Variants in IARS1 observed in about 807,000 individuals in gnomAD.
The protein encoded by IARS1 is isoleucine--tRNA ligase, cytoplasmic.
In IARS1, 124 loss-of-function variants were observed where a neutral mutation model predicts 168.2. That is an observed-to-expected ratio of 0.74 (90% CI 0.64 to 0.86). The LOEUF is 0.86. IARS1 is among the 40% of genes least tolerant of loss of function. The pLI, the probability that IARS1 is intolerant of heterozygous loss-of-function variation, is 0.00. For missense variants in IARS1, 1,452 were observed against 1,515.8 expected, an observed-to-expected ratio of 0.96 and a Z score of 0.70; for synonymous variants, 532 against 529.4, an observed-to-expected ratio of 1.00 and a Z score of -0.07.
intron 1 of IARS1, among the ~76,000 whole-genome samples, chr9:92,290,598 C>T (rs1836166054): frequency 6.6e-6 from 1 of 152,092 alleles, no homozygotes; most frequent in Non-Finnish European, 1.5e-5. Context: ...TTGGTGTCAT[C>T]AATAAACCAT....
chr9:92,232,932 AT>A (rs1826944369), intron 30 of IARS1, among the ~76,000 whole-genome samples: 1 of 152,222 alleles, frequency 6.6e-6, no homozygotes, highest in South Asian at 2.1e-4. Context: ...CTGCAATCCT[AT>A]TAATCAAGTG....
chr9:92,287,961 C>G (rs1564190252), intron 3 of IARS1, 51 bp from the exon 4 acceptor site: 1 of 1,599,930 alleles, frequency 6.3e-7, no homozygotes, highest in East Asian at 2.2e-5. Context: ...AAAACAACTG[C>G]AACTATGCAA....
chr9:92,270,792 T>C (rs1488894865), intron 12 of IARS1, among the ~76,000 whole-genome samples, 193 bp downstream of exon 12: 1 of 151,772 alleles, frequency 6.6e-6, no homozygotes, highest in Non-Finnish European at 1.5e-5. Flanking sequence ...TGAGACCCTA[T>C]CTCAAAACAA....
chr9:92,221,222 A>G (rs1409632329), intron 33 of IARS1, among the ~76,000 whole-genome samples: 1 of 152,206 alleles, frequency 6.6e-6, no homozygotes, highest in African/African-American at 2.4e-5. Context: ...GAGGTAGGAT[A>G]GAGTGAGAAA....
chr9:92,216,965 T>C (rs1395251228), intron 33 of IARS1, among the ~76,000 whole-genome samples: 1 of 151,254 alleles, frequency 6.6e-6, no homozygotes, highest in Non-Finnish European at 1.5e-5. Context: ...ATTAACAGAA[T>C]ATACATTTTT....
At chr9:92,265,194 G>C (rs1160786803) in intron 15 of IARS1, 71 bp from the exon 16 acceptor site, 1 of 1,306,550 alleles carries the variant, frequency 7.7e-7, no homozygotes, top group East Asian at 2.4e-5. Flanking sequence ...ATTGCTAATA[G>C]GAAACACAAA....
intron 17 of IARS1, among the ~76,000 whole-genome samples, chr9:92,262,643 G>C (rs1831687400): frequency 6.6e-6 from 1 of 151,974 alleles, no homozygotes; most frequent in African/African-American, 2.4e-5. Context: ...GTTAAAAAAA[G>C]GACAACAAAA....
intron 30 of IARS1, among the ~76,000 whole-genome samples, chr9:92,237,186 C>G (rs1827672026): frequency 6.6e-6 from 1 of 152,068 alleles, no homozygotes; most frequent in African/African-American, 2.4e-5. Context: ...TTTAGTGCAA[C>G]AGATTTCCGT....
chr9:92,221,299 TA>T (rs1839635720), intron 33 of IARS1, among the ~76,000 whole-genome samples: 1 of 118,998 alleles, frequency 8.4e-6, no homozygotes, highest in African/African-American at 3.1e-5. Flanking sequence ...GAATAAGAGG[TA>T]AGTTGGACAA....
At chr9:92,236,371 T>C (rs896767988) in intron 30 of IARS1, among the ~76,000 whole-genome samples, 2 of 144,560 alleles carry the variant, frequency 1.4e-5, no homozygotes, top group African/African-American at 5.0e-5. Context: ...TCCTCTTCTA[T>C]TTTCTGGAAG....
chr9:92,251,049 T>C (rs1829942899), intron 22 of IARS1: 1 of 597,166 alleles, frequency 1.7e-6, no homozygotes, highest in Non-Finnish European at 3.1e-6. Context: ...AAAGCACCTC[T>C]AGAATTCTGA....
chr9:92,281,190 G>A (rs1412171261), intron 6 of IARS1, among the ~76,000 whole-genome samples: 2 of 147,152 alleles, frequency 1.4e-5, no homozygotes, highest in Non-Finnish European at 1.5e-5. Context: ...CTGGAGTGCT[G>A]TGGTACAATC....
Position 92,221,932 on chromosome 9 carries a change from C to T in IARS1, c.3706+588G>A, listed in dbSNP as rs148670979. ...AACAATTTTAGGGTCAGCAAATATG[C>T]TGATTTACCTAGAAGCATGTATTTT... On this transcript the variant is annotated intron_variant, in intron 33 of 33. Coordinates refer to ENST00000443024, the MANE Select transcript of IARS1 (RefSeq NM_002161.6). 9.8e-3 allele frequency among the ~76,000 whole-genome samples: 1,492 copies of T among 152,196 alleles called. 13 individuals are homozygous for T. The highest frequency in any genetic ancestry group is 0.017 in the Non-Finnish European group (1,131 of 68,012).
intron 32 of IARS1, 96 bp downstream of exon 32, chr9:92,223,250 C>T: frequency 1.6e-6 from 2 of 1,216,848 alleles, no homozygotes; most frequent in Non-Finnish European, 2.2e-6. Flanking sequence ...TAAAGCAATA[C>T]TTTGAAGCCG....
intron 10 of IARS1, among the ~76,000 whole-genome samples, chr9:92,271,979 T>G (rs527789935): frequency 6.6e-6 from 1 of 152,350 alleles, no homozygotes; most frequent in African/African-American, 2.4e-5. Flanking sequence ...AAAGAATGGC[T>G]ACTCCATAAG....
chr9:92,243,854 T>C (rs1331491140), intron 27 of IARS1, among the ~76,000 whole-genome samples: 2 of 152,176 alleles, frequency 1.3e-5, no homozygotes, highest in Admixed American at 1.3e-4. Flanking sequence ...TTTGCTAAGG[T>C]TAATGTTTCT....
intron 26 of IARS1, among the ~76,000 whole-genome samples, chr9:92,246,461 G>C (rs1415306916): frequency 6.6e-6 from 1 of 152,200 alleles, no homozygotes; most frequent in Non-Finnish European, 1.5e-5. Flanking sequence ...GAAATGCTCT[G>C]TATAGGGGTA....
intron 30 of IARS1, 92 bp from the exon 31 acceptor site, chr9:92,229,218 A>C: frequency 1.5e-6 from 2 of 1,345,800 alleles, no homozygotes; most frequent in Non-Finnish European, 1.0e-6. Context: ...AAGGGGTTCA[A>C]GCCCTAATAT....
chr9:92,270,240 T>C lies in IARS1; in HGVS notation c.1206-257A>G, dbSNP rs866427219. Among the ~76,000 whole-genome samples the C allele has an allele frequency of 5.3e-5, 8 of 152,152 alleles. 1 individual carries two copies. The South Asian group carries it at 1.7e-3, about 32-fold the overall frequency. ...CTAGTGACAATTATCTAAGAAACAA[T>C]GTCAACTTCAACTTCAACACAGAAG... On this transcript the variant is annotated intron_variant, in intron 12 of 33. Transcript: ENST00000443024.
Sources: gnomAD v4.1 joint callset for allele counts (sites outside exome capture counted in the v4.1 genomes callset) on GRCh38, gnomAD v4.1.1 for gene constraint, MANE v1.5 for transcripts, NCBI Gene and HGNC (gene_info 2026-07-23, HGNC 2026-07-21) for gene names.